The following TET1 variants were observed in gnomAD, a reference collection of about 807,000 sequenced individuals.
TET1 encodes the protein tet methylcytosine dioxygenase 1, also known as methylcytosine dioxygenase TET1.
In TET1, 13 loss-of-function variants were observed where a neutral mutation model predicts 148.7. That is an observed-to-expected ratio of 0.09 (90% CI 0.06 to 0.14). The LOEUF (loss-of-function observed/expected upper bound fraction) is 0.14. TET1 is among the 10% of genes least tolerant of loss of function. TET1 has a pLI of 1.00. For synonymous variants in TET1, 907 were observed against 937.2 expected (o/e 0.97, Z 0.59); for missense variants, 2,182 against 2,553.8 (o/e 0.85, Z 3.14).
chr10:68,609,428 T>C (rs1198665561), intron 3 of TET1, among the ~76,000 whole-genome samples: 2 of 152,134 alleles, frequency 1.3e-5, no homozygotes, highest in African/African-American at 2.4e-5. Flanking sequence ...CCCAAAGTGC[T>C]GGGATTACAG....
intron 3 of TET1, chr10:68,632,781 A>T: frequency 7.1e-7 from 1 of 1,401,612 alleles, no homozygotes; most frequent in Non-Finnish European, 9.9e-7. Flanking sequence ...GATCAACCAC[A>T]TAAAACATTT....
chr10:68,620,693 AGT>A (rs1466735870), intron 3 of TET1, among the ~76,000 whole-genome samples: 1 of 152,204 alleles, frequency 6.6e-6, no homozygotes, highest in Non-Finnish European at 1.5e-5. Flanking sequence ...CATACCAAGA[AGT>A]GGAACTACTG....
In TET1 at chr10:68,617,059, C is replaced by T. The variant is rs550839737; in HGVS notation, c.1968+16025C>T. Reference sequence around the variant, plus strand: ...TTTTTTTTTTTGAGACGGAGTCTTGCTCTATCGCCCAGGCTGGAGTGCAGT... The same window carrying T: ...TTTTTTTTTTTGAGACGGAGTCTTGTTCTATCGCCCAGGCTGGAGTGCAGT... On this transcript the variant is annotated intron_variant, in intron 3 of 11. Coordinates refer to ENST00000373644, the MANE Select transcript of TET1 (RefSeq NM_030625.3). Among the ~76,000 whole-genome samples, 328 of 97,856 alleles carry T rather than the reference C, an allele frequency of 3.4e-3. 1 individual carries two copies. Among genetic ancestry groups the T allele is most frequent in the African/African-American group, 0.012 (307 of 24,868 alleles). 64.2% of individuals were successfully genotyped at this position (97,856 alleles called of 152,430 possible).
intron 6 of TET1, among the ~76,000 whole-genome samples, chr10:68,664,454 G>GC (rs750005010): frequency 1.6e-4 from 24 of 150,030 alleles, no homozygotes; most frequent in African/African-American, 4.9e-5. Flanking sequence ...TGTCTCCCAT[G>GC]CTGGAGTGCA....
At chr10:68,574,371 T>C in intron 2 of TET1, 119 bp downstream of exon 2, 1 of 786,942 alleles carries the variant, frequency 1.3e-6, no homozygotes, top group East Asian at 2.7e-5. Context: ...CACTATTACA[T>C]ATTTTTACTT....
At chr10:68,653,566 A>G (rs16925560) in intron 6 of TET1, among the ~76,000 whole-genome samples, 29,204 of 152,162 alleles carry the variant, frequency 0.19, 3,534 homozygotes, top group African/African-American at 0.34. Context: ...TTTCATGTTC[A>G]GTCTTCCTAT....
Position 68,572,474 on chromosome 10 carries a change from C to G in TET1, c.136C>G (p.Pro46Ala), listed in dbSNP as rs1240068217. Residue 46 changes from proline (P) to alanine (A), a missense_variant, in exon 2 of 12, where the codon CCT becomes GCT. Physicochemically the swap from Pro to Ala is conservative, Grantham distance 27. Coordinates refer to ENST00000373644, the MANE Select transcript of TET1 (RefSeq NM_030625.3). ...KNVASVKTLS[P>A]GKLKQLIQER... ...TGTGGCATCAGTCAAGACTTTAAGCCCTGGAAAATTAAAGCAATTAATTCA... is the reference window on the plus strand; with the variant it reads ...TGTGGCATCAGTCAAGACTTTAAGCGCTGGAAAATTAAAGCAATTAATTCA... 1 of 1,613,906 alleles carries G rather than the reference C, an allele frequency of 6.2e-7. No individual in the cohort carries two copies. Among genetic ancestry groups the G allele is most frequent in the African/African-American group, 1.3e-5 (1 of 74,970 alleles).
chr10:68,663,388 T>G (rs1383552449), intron 6 of TET1, among the ~76,000 whole-genome samples: 1 of 152,232 alleles, frequency 6.6e-6, no homozygotes, highest in Non-Finnish European at 1.5e-5. Flanking sequence ...CTTACTGAGA[T>G]ATCAGACTTT....
rs2054152518 is a variant in TET1, at chr10:68,608,157, T to C, written c.1968+7123T>C. Among the ~76,000 whole-genome samples the C allele has an allele frequency of 2.0e-5, 3 of 152,140 alleles. No individual in the cohort carries two copies. The South Asian group carries it at 6.2e-4, about 31-fold the overall frequency. ...GTTGGCCAGGATGGTCTCAATCTCT[T>C]GACCTCATGATCCACCCTCCTTGGC... is the stretch of plus-strand genomic sequence containing the variant. On this transcript the variant is annotated intron_variant, in intron 3 of 11. Transcript: ENST00000373644.
intron 2 of TET1, among the ~76,000 whole-genome samples, chr10:68,592,826 A>G (rs757942978): frequency 7.2e-5 from 11 of 152,042 alleles, no homozygotes; most frequent in Non-Finnish European, 1.3e-4. Context: ...CTCATTCTAC[A>G]TTACATCATG....
Position 68,588,738 on chromosome 10 carries a change from T to C in TET1, c.1915-12243T>C, listed in dbSNP as rs545854533. 4.6e-5 allele frequency among the ~76,000 whole-genome samples: 7 copies of C among 152,266 alleles called. No homozygotes were observed. The South Asian group carries it at 1.0e-3, about 23-fold the overall frequency. On this transcript the variant is annotated intron_variant, in intron 2 of 11. Transcript: ENST00000373644. ...TTTGTCAATTCTACTGCTGCTATAT[T>C]TTAATATTAAGGTGTTCCTTTAACT...
chr10:68,646,043 C>T lies in TET1; in HGVS notation c.3314C>T (p.Thr1105Ile). 6.2e-7 allele frequency: 1 copy of T among 1,614,068 alleles called. No homozygotes were observed. The highest frequency in any genetic ancestry group is 2.2e-5 in the East Asian group (1 of 44,870). The part of the protein sequence containing the change: ...PEDKKVESTP[T>I]SLVTCNVQQK... The stretch of plus-strand genomic sequence containing the variant: ...GACAAAAAAGTTGAAAGTACACCAA[C>T]AAGCCTTGTCACATGTAATGTACAG... Residue 1105 changes from threonine to isoleucine, a missense_variant, in exon 4 of 12, where the codon ACA becomes ATA. Transcript: ENST00000373644.
At chr10:68,561,774 GA>G (rs2053557668) in intron 1 of TET1, among the ~76,000 whole-genome samples, 2 of 140,334 alleles carry the variant, frequency 1.4e-5, no homozygotes, top group African/African-American at 5.4e-5. Context: ...TATTCTACAA[GA>G]AGTGGTCTGG....
intron 3 of TET1, among the ~76,000 whole-genome samples, chr10:68,638,247 G>A (rs1426459783): frequency 1.2e-4 from 19 of 152,152 alleles, no homozygotes. Context: ...ACCAGTGGTT[G>A]TCTCTGAGTT....
At chr10:68,617,206 A>G (rs1197735448) in intron 3 of TET1, among the ~76,000 whole-genome samples, 4 of 146,406 alleles carry the variant, frequency 2.7e-5, no homozygotes, top group Non-Finnish European at 4.5e-5. Context: ...TTGTATTTTT[A>G]GTAGAGACGG....
intron 2 of TET1, among the ~76,000 whole-genome samples, chr10:68,580,039 C>T (rs567636965): frequency 6.4e-4 from 97 of 151,986 alleles, no homozygotes; most frequent in African/African-American, 2.2e-3. Flanking sequence ...AGTCATTCTC[C>T]TGCCTCAGCC....
chr10:68,573,570 C>T lies in TET1; in HGVS notation c.1232C>T (p.Thr411Ile), dbSNP rs1287223271. The change falls in exon 2 of 12, where the codon ACT becomes ATT. Residue 411 changes from threonine (T) to isoleucine (I), a missense_variant. This residue lies in a region of TET1 where 665 missense variants were observed against 672.4 expected (regional missense o/e 0.99). Transcript: ENST00000373644. The part of the protein sequence containing the change: ...AIPVQGEVFG[T>I]ILDQQETLGM... Reference sequence around the variant, plus strand: ...CCAGTCCAAGGAGAGGTCTTTGGTACTATTTTAGACCAACAAGAAACTCTT... The same window carrying T: ...CCAGTCCAAGGAGAGGTCTTTGGTATTATTTTAGACCAACAAGAAACTCTT... The T allele has an allele frequency of 1.2e-6, 2 of 1,614,164 alleles. No homozygotes were observed. Among genetic ancestry groups the T allele is most frequent in the Non-Finnish European group, 8.5e-7 (1 of 1,180,032 alleles).
intron 3 of TET1, among the ~76,000 whole-genome samples, chr10:68,631,808 C>G (rs1285051609): frequency 6.6e-6 from 1 of 151,910 alleles, no homozygotes; most frequent in Admixed American, 6.6e-5. Flanking sequence ...TTACTTTTTT[C>G]TTTAAGGGGT....
chr10:68,578,772 G>T (rs2053760061), intron 2 of TET1, among the ~76,000 whole-genome samples: 1 of 152,118 alleles, frequency 6.6e-6, no homozygotes, highest in African/African-American at 2.4e-5. Context: ...GCTTTGAATA[G>T]TGTTGCTAAT....
Sources: allele counts gnomAD v4.1 joint callset (sites outside exome capture counted in the v4.1 genomes callset), GRCh38; gene constraint gnomAD v4.1.1; regional missense constraint gnomAD v4.1.1; transcripts MANE v1.5; gene names NCBI Gene and HGNC (gene_info 2026-07-23, HGNC 2026-07-21).